NYAP2: variants seen among roughly 807,000 people sequenced by gnomAD.
NYAP2 encodes the protein neuronal tyrosine-phosphorylated phosphoinositide-3-kinase adaptor 2.
In NYAP2, 23 loss-of-function variants were observed where a neutral mutation model predicts 50.4. That is an observed-to-expected ratio of 0.46 (90% CI 0.33 to 0.65). The LOEUF (loss-of-function observed/expected upper bound fraction) is 0.65, where lower values mean the gene tolerates loss of function less well. Ranked by LOEUF, NYAP2 falls within the 30% of genes least tolerant of loss-of-function variation. NYAP2 has a pLI of 0.02. For synonymous variants in NYAP2, 394 were observed against 365.2 expected (o/e 1.08, Z -0.90); for missense variants, 885 against 861.0 (o/e 1.03, Z -0.35).
intron 2 of NYAP2, among the ~76,000 whole-genome samples, chr2:225,404,593 T>C (rs1380407676): frequency 6.6e-6 from 1 of 152,030 alleles, no homozygotes; most frequent in Admixed American, 6.6e-5. Flanking sequence ...TTTGATTTGG[T>C]GCAATTTAGC....
chr2:225,604,765 T>G (rs987524454), intron 5 of NYAP2, among the ~76,000 whole-genome samples: 1 of 152,096 alleles, frequency 6.6e-6, no homozygotes, highest in African/African-American at 2.4e-5. Context: ...CCACTAATGA[T>G]TCCCAAACAC....
intron 4 of NYAP2, among the ~76,000 whole-genome samples, chr2:225,515,437 A>G (rs1690911802): frequency 6.6e-6 from 1 of 152,124 alleles, no homozygotes; most frequent in Non-Finnish European, 1.5e-5. Flanking sequence ...ATTGTTTTGC[A>G]GCTACAATGA....
At chr2:225,539,147 C>T (rs1334582768) in intron 4 of NYAP2, among the ~76,000 whole-genome samples, 1 of 152,134 alleles carries the variant, frequency 6.6e-6, no homozygotes, top group East Asian at 1.9e-4. Context: ...TTTCTAGCTT[C>T]ATCCACGTCC....
At chr2:225,453,156 T>G (rs1384501447) in intron 3 of NYAP2, among the ~76,000 whole-genome samples, 1 of 152,236 alleles carries the variant, frequency 6.6e-6, no homozygotes, top group East Asian at 1.9e-4. Flanking sequence ...TATAAATGTG[T>G]ATTTATTATT....
intron 6 of NYAP2, among the ~76,000 whole-genome samples, chr2:225,641,473 A>T (rs1437105889): frequency 7.8e-6 from 1 of 128,610 alleles, no homozygotes; most frequent in Non-Finnish European, 1.6e-5. Context: ...ACACACAAAC[A>T]CACACACAAT....
chr2:225,522,227 A>C (rs1419289902), intron 4 of NYAP2, among the ~76,000 whole-genome samples: 3 of 152,130 alleles, frequency 2.0e-5, no homozygotes, highest in Non-Finnish European at 2.9e-5. Context: ...AAGTGTTTAC[A>C]AGAACCAGCT....
the NYAP2 span, among the ~76,000 whole-genome samples, chr2:225,663,453 T>C: frequency 6.6e-6 from 1 of 152,176 alleles, no homozygotes; most frequent in African/African-American, 2.4e-5. Flanking sequence ...AGGCCCTGTG[T>C]GACCTGGCCC....
chr2:225,545,338 G>A (rs1033962828), intron 4 of NYAP2, among the ~76,000 whole-genome samples: 2 of 151,856 alleles, frequency 1.3e-5, no homozygotes, highest in East Asian at 3.9e-4. Context: ...CCCTTTTGAG[G>A]CCATTTTATA....
At chr2:225,643,498 G>C (rs947240960) in intron 6 of NYAP2, among the ~76,000 whole-genome samples, 2 of 151,516 alleles carry the variant, frequency 1.3e-5, no homozygotes, top group African/African-American at 4.9e-5. Flanking sequence ...CAATGTGCAG[G>C]TTAGTTACAT....
chr2:225,440,809 G>T (rs1025710171), intron 3 of NYAP2, among the ~76,000 whole-genome samples: 9 of 152,178 alleles, frequency 5.9e-5, no homozygotes. Context: ...CTCCTGGTGG[G>T]TAGGAATAAG....
At chr2:225,703,237 T>G in the NYAP2 span, 1 of 151,882 alleles carries the variant, frequency 6.6e-6, no homozygotes, top group East Asian at 1.9e-4. Flanking sequence ...GCACTACATT[T>G]TTAAAAGACA....
intron 5 of NYAP2, among the ~76,000 whole-genome samples, chr2:225,626,016 T>G: frequency 6.6e-6 from 1 of 152,132 alleles, no homozygotes; most frequent in Non-Finnish European, 1.5e-5. Context: ...TGTACAATCT[T>G]CTGACTGATA....
At chr2:225,545,530 T>G in intron 4 of NYAP2, among the ~76,000 whole-genome samples, 1 of 152,106 alleles carries the variant, frequency 6.6e-6, no homozygotes. Context: ...AGCTACTTGA[T>G]TTTTCTTAAT....
Position 225,631,346 on chromosome 2 carries a change from T to A in NYAP2, c.1828+4220T>A, listed in dbSNP as rs1378058720. Among the ~76,000 whole-genome samples, 5 of 152,142 alleles carry A rather than the reference T, an allele frequency of 3.3e-5. No individual in the cohort carries two copies. The East Asian group carries it at 7.7e-4, about 23-fold the overall frequency. On this transcript the variant is annotated intron_variant, in intron 6 of 6. Coordinates refer to ENST00000636099, the Ensembl canonical transcript of NYAP2. ...CATGTAAAATCTGCCCTCCTGAGGT[T>A]TTTAGTGTTGTTTGTAGAGCAGGAA...
In NYAP2 at chr2:225,572,361, G is replaced by A. The variant is rs994907925; in HGVS notation, c.524-9580G>A. ...GACTGGGTAATTTATAAAGAAAAGA[G>A]GTTTAATTGACTCACAGTTCTGTAT... On this transcript the variant is annotated intron_variant, in intron 4 of 6. Coordinates refer to ENST00000636099, the Ensembl canonical transcript of NYAP2. Among the ~76,000 whole-genome samples, 4 of 152,192 alleles carry A rather than the reference G, an allele frequency of 2.6e-5. No homozygotes were observed. In the East Asian group the frequency reaches 5.8e-4, roughly 22 times the overall value.
At chr2:225,487,540 A>G (rs1359599429) in intron 3 of NYAP2, among the ~76,000 whole-genome samples, 2 of 151,852 alleles carry the variant, frequency 1.3e-5, no homozygotes, top group East Asian at 3.9e-4. Context: ...TTGTATTTTT[A>G]GTAGAGACAG....
At position 225,425,162 on chromosome 2, in the gene NYAP2, C is replaced by T. The variant is rs192791338; in HGVS notation, c.221+16061C>T. ...GTGGACTGGCCATGTAATCTCCCACCGTTGAGTCCTTGAGGGTATTGCTCA... is the reference window on the plus strand; with the variant it reads ...GTGGACTGGCCATGTAATCTCCCACTGTTGAGTCCTTGAGGGTATTGCTCA... On this transcript the variant is annotated intron_variant, in intron 3 of 6. Coordinates refer to ENST00000636099, the Ensembl canonical transcript of NYAP2. 2.1e-4 allele frequency among the ~76,000 whole-genome samples: 32 copies of T among 152,254 alleles called. 2 individuals carry two copies. The highest frequency in any genetic ancestry group is 1.7e-3 in the Admixed American group (26 of 15,278).
downstream of NYAP2, among the ~76,000 whole-genome samples, chr2:225,655,921 CACACACATACACACAT>C (rs772830722): frequency 1.3e-4 from 16 of 123,826 alleles, no homozygotes; most frequent in African/African-American, 4.6e-4. Context: ...CACACACACA[CACACACATACACACAT>C]ACACACACAC....
intron 3 of NYAP2, among the ~76,000 whole-genome samples, chr2:225,418,663 G>A (rs1695164656): frequency 1.3e-5 from 2 of 152,114 alleles, no homozygotes; most frequent in Non-Finnish European, 2.9e-5. Flanking sequence ...TGTTTGAGAT[G>A]TGTGTTAGGA....
Sources: allele counts gnomAD v4.1 joint callset (sites outside exome capture counted in the v4.1 genomes callset), GRCh38; gene constraint gnomAD v4.1.1; transcripts MANE v1.5; gene names NCBI Gene and HGNC (gene_info 2026-07-23, HGNC 2026-07-21).